The following GRIK1 variants were observed in gnomAD, a reference collection of about 807,000 sequenced individuals.
GRIK1 encodes the protein glutamate receptor ionotropic, kainate 1.
In GRIK1, 69 loss-of-function variants were observed where a neutral mutation model predicts 105.7. That is an observed-to-expected ratio of 0.65 (90% CI 0.54 to 0.80). The LOEUF is 0.80. Ranked by LOEUF, GRIK1 falls within the 30% of genes least tolerant of loss-of-function variation. The probability of loss-of-function intolerance (pLI) is 0.00; values close to 1 mark genes in which losing one functional copy is unlikely to be tolerated. For missense variants in GRIK1, 1,109 were observed against 1,167.3 expected, an observed-to-expected ratio of 0.95 and a Z score of 0.73; for synonymous variants, 438 against 431.3, an observed-to-expected ratio of 1.02 and a Z score of -0.19.
intron 1 of GRIK1, among the ~76,000 whole-genome samples, chr21:29,767,787 TTC>T (rs2065708534): frequency 6.6e-6 from 1 of 152,014 alleles, no homozygotes; most frequent in African/African-American, 2.4e-5. Flanking sequence ...TCAAGTTAAT[TTC>T]TCCTCAGCTG....
At chr21:29,621,789 C>T (rs918556538) in intron 7 of GRIK1, among the ~76,000 whole-genome samples, 1 of 152,148 alleles carries the variant, frequency 6.6e-6, no homozygotes, top group Non-Finnish European at 1.5e-5. Flanking sequence ...TATAGTGCCC[C>T]ACAGTATAGA....
Position 29,560,396 on chromosome 21 carries a change from C to CTTT in GRIK1, c.2356+1227_2356+1228insAAA, listed in dbSNP as rs1568814142. ...TCCTTCCTTCCTTCCTTCCTTCCTT[C>CTTT]CTTCCTTTCTTTCTTTCTTTCTTTC... On this transcript the variant is annotated intron_variant, in intron 15 of 17. Coordinates refer to ENST00000327783, the MANE Select transcript of GRIK1 (RefSeq NM_001330994.2). Among the ~76,000 whole-genome samples the CTTT allele has an allele frequency of 8.7e-3, 522 of 60,270 alleles. 80 individuals are homozygous for CTTT. Among genetic ancestry groups the CTTT allele is most frequent in the East Asian group, 0.054 (99 of 1,828 alleles). The allele number at this position is 60,270 out of a possible 152,430, so 39.5% of individuals were successfully genotyped here. A position where few individuals can be genotyped will look rare whatever the true frequency, so the allele number is the denominator to read the frequency against.
chr21:29,631,073 G>A (rs75510424), intron 7 of GRIK1, among the ~76,000 whole-genome samples: 9,627 of 152,138 alleles, frequency 0.063, 423 homozygotes, highest in African/African-American at 0.12. Context: ...CTCCCAAAGC[G>A]CTGGGATTAC....
At chr21:29,821,916 T>C (rs371993341) in intron 1 of GRIK1, among the ~76,000 whole-genome samples, 2 of 152,158 alleles carry the variant, frequency 1.3e-5, no homozygotes, top group Admixed American at 1.3e-4. Context: ...GCAATTCTTC[T>C]GTAAGCTTTT....
chr21:29,889,006 C>G (rs1391206858), intron 1 of GRIK1, among the ~76,000 whole-genome samples: 1 of 152,158 alleles, frequency 6.6e-6, no homozygotes, highest in African/African-American at 2.4e-5. Flanking sequence ...GTTTCTTCTT[C>G]TCAAAATAGC....
chr21:29,892,111 C>T (rs2069924820), intron 1 of GRIK1, among the ~76,000 whole-genome samples: 1 of 152,200 alleles, frequency 6.6e-6, no homozygotes, highest in South Asian at 2.1e-4. Context: ...GTGATTCCTT[C>T]TGCCTCAGTC....
intron 1 of GRIK1, among the ~76,000 whole-genome samples, chr21:29,834,002 T>C (rs894288634): frequency 6.6e-6 from 1 of 152,172 alleles, no homozygotes; most frequent in African/African-American, 2.4e-5. Flanking sequence ...GTGCTTTATA[T>C]AATTGTATAC....
At chr21:29,594,851 G>A (rs190006898) in intron 9 of GRIK1, among the ~76,000 whole-genome samples, 6 of 152,270 alleles carry the variant, frequency 3.9e-5, no homozygotes, top group Admixed American at 2.6e-4. Context: ...TTTAGTGAGG[G>A]ATGTTGTAAA....
intron 1 of GRIK1, among the ~76,000 whole-genome samples, chr21:29,848,771 A>C (rs1393551222): frequency 1.0e-5 from 1 of 95,848 alleles, no homozygotes; most frequent in African/African-American, 6.3e-5. Flanking sequence ...ATATATATAT[A>C]TATATATATT....
chr21:29,896,481 T>C (rs1489798322), intron 1 of GRIK1, among the ~76,000 whole-genome samples: 3 of 152,226 alleles, frequency 2.0e-5, no homozygotes, highest in East Asian at 1.9e-4. Context: ...TTCCCTGCCA[T>C]ATCCCCAGTA....
intron 1 of GRIK1, 69 bp from the exon 2 acceptor site, chr21:29,694,132 T>TTC: frequency 1.8e-6 from 2 of 1,141,094 alleles, no homozygotes; most frequent in East Asian, 5.1e-5. Flanking sequence ...TTTTTTTTTT[T>TTC]TTTTTTTTTT....
chr21:29,707,441 T>TCCCA (rs2063936434), intron 1 of GRIK1, among the ~76,000 whole-genome samples: 1 of 35,816 alleles, frequency 2.8e-5, no homozygotes, highest in Non-Finnish European at 5.5e-5. Context: ...CCTCCCTCCC[T>TCCCA]CCCTCCCTCC....
At chr21:29,700,731 T>C (rs1234763267) in intron 1 of GRIK1, among the ~76,000 whole-genome samples, 1 of 152,068 alleles carries the variant, frequency 6.6e-6, no homozygotes, top group Admixed American at 6.5e-5. Flanking sequence ...GTAAGAACCT[T>C]AAAGGGAGGC....
At chr21:29,912,450 A>G (rs995383218) in intron 1 of GRIK1, among the ~76,000 whole-genome samples, 10 of 152,068 alleles carry the variant, frequency 6.6e-5, no homozygotes, top group African/African-American at 2.4e-4. Context: ...AAATACTCTT[A>G]GTCTGGAAGA....
chr21:29,772,132 T>C (rs2065829280), intron 1 of GRIK1, among the ~76,000 whole-genome samples: 1 of 152,064 alleles, frequency 6.6e-6, no homozygotes, highest in African/African-American at 2.4e-5. Flanking sequence ...TACAGGCACA[T>C]TTTTTTTCAC....
intron 16 of GRIK1, among the ~76,000 whole-genome samples, chr21:29,544,455 C>A (rs1174845541): frequency 6.6e-6 from 1 of 152,144 alleles, no homozygotes; most frequent in Non-Finnish European, 1.5e-5. Context: ...AACATTGAGG[C>A]CCTGTAATAT....
intron 3 of GRIK1, among the ~76,000 whole-genome samples, chr21:29,681,904 C>T (rs759799429): frequency 1.3e-5 from 2 of 152,156 alleles, no homozygotes; most frequent in South Asian, 4.1e-4. Flanking sequence ...GGTGGCATCA[C>T]GATGGGACAG....
intron 7 of GRIK1, among the ~76,000 whole-genome samples, chr21:29,641,268 A>G (rs1174864688): frequency 1.3e-5 from 2 of 152,112 alleles, no homozygotes; most frequent in Non-Finnish European, 2.9e-5. Flanking sequence ...AGTAGCAGGT[A>G]ATTGAATCAT....
intron 1 of GRIK1, among the ~76,000 whole-genome samples, chr21:29,842,046 T>A (rs2067997941): frequency 6.6e-6 from 1 of 152,196 alleles, no homozygotes; most frequent in Admixed American, 6.5e-5. Context: ...CTCTAGATGA[T>A]CCCTTTTTTC....
Sources: allele counts gnomAD v4.1 joint callset (sites outside exome capture counted in the v4.1 genomes callset), GRCh38; gene constraint gnomAD v4.1.1; transcripts MANE v1.5; gene names NCBI Gene and HGNC (gene_info 2026-07-23, HGNC 2026-07-21).